The following STK32A variants were observed in gnomAD, a reference collection of about 807,000 sequenced individuals.
STK32A encodes the protein serine/threonine-protein kinase 32A.
A neutral mutation model predicts 53.2 loss-of-function variants in STK32A; 41 were observed. The observed-to-expected ratio is 0.77, with a 90% confidence interval of 0.60 to 1.00. The LOEUF is 1.00. Among genes scored for constraint, STK32A ranks in the 50% least tolerant of loss-of-function variants. The pLI, the probability that STK32A is intolerant of heterozygous loss-of-function variation, is 0.00. For missense variants in STK32A, 458 were observed against 485.8 expected (o/e 0.94, Z 0.54); for synonymous variants, 166 against 162.8 (o/e 1.02, Z -0.15).
intron 7 of STK32A, among the ~76,000 whole-genome samples, chr5:147,359,734 G>T (rs867588753): frequency 3.9e-5 from 6 of 152,146 alleles, no homozygotes; most frequent in Non-Finnish European, 8.8e-5. Flanking sequence ...TTGCACTGGG[G>T]GCTGTGACTT....
At chr5:147,357,731 A>G (rs987288666) in intron 7 of STK32A, among the ~76,000 whole-genome samples, 1 of 151,834 alleles carries the variant, frequency 6.6e-6, no homozygotes, top group African/African-American at 2.4e-5. Context: ...TTATGGTTTC[A>G]TTTTTTTACT....
chr5:147,394,870 C>A, the STK32A span, among the ~76,000 whole-genome samples: 1 of 151,988 alleles, frequency 6.6e-6, no homozygotes, highest in African/African-American at 2.4e-5. Flanking sequence ...GTAATTTTAC[C>A]TTTAAATGTC....
intron 7 of STK32A, among the ~76,000 whole-genome samples, chr5:147,355,570 C>T (rs1581131959): frequency 6.6e-6 from 1 of 151,862 alleles, no homozygotes; most frequent in South Asian, 2.1e-4. Context: ...TCCAGCTACT[C>T]GGGAGGCTGA....
At chr5:147,300,270 T>C (rs1753066388) in intron 4 of STK32A, among the ~76,000 whole-genome samples, 1 of 152,192 alleles carries the variant, frequency 6.6e-6, no homozygotes, top group Non-Finnish European at 1.5e-5. Flanking sequence ...AATATTTTCC[T>C]ATAGTCACAC....
chr5:147,252,319 C>T (rs894560606), intron 2 of STK32A, among the ~76,000 whole-genome samples: 2 of 151,906 alleles, frequency 1.3e-5, no homozygotes, highest in Non-Finnish European at 2.9e-5. Context: ...CATTTTCTGT[C>T]CAGAGTATAA....
At chr5:147,341,767 T>C (rs545182939) in intron 5 of STK32A, among the ~76,000 whole-genome samples, 10 of 152,254 alleles carry the variant, frequency 6.6e-5, no homozygotes, top group South Asian at 2.1e-4. Context: ...ATAACTATAG[T>C]TAGTAACATT....
At chr5:147,258,522 C>A (rs543098342) in intron 2 of STK32A, among the ~76,000 whole-genome samples, 1 of 152,074 alleles carries the variant, frequency 6.6e-6, no homozygotes, top group Non-Finnish European at 1.5e-5. Context: ...TACATAAATT[C>A]CCTTTTAAAA....
At chr5:147,237,567 C>T (rs1753376106) in intron 1 of STK32A, among the ~76,000 whole-genome samples, 1 of 152,136 alleles carries the variant, frequency 6.6e-6, no homozygotes. Context: ...TGAGTTCTAT[C>T]TTCCTGGGTC....
chr5:147,360,952 T>G (rs754262994), intron 7 of STK32A, among the ~76,000 whole-genome samples: 68 of 152,256 alleles, frequency 4.5e-4, no homozygotes, highest in Non-Finnish European at 7.4e-4. Context: ...AGTTACAAAG[T>G]GTAAAGAACC....
intron 4 of STK32A, among the ~76,000 whole-genome samples, chr5:147,295,917 G>C (rs1752845714): frequency 6.6e-6 from 1 of 152,180 alleles, no homozygotes; most frequent in Non-Finnish European, 1.5e-5. Context: ...TATAGGTAAA[G>C]GTCCAGTTAA....
chr5:147,328,234 G>A (rs913067527), intron 5 of STK32A, among the ~76,000 whole-genome samples: 7 of 151,922 alleles, frequency 4.6e-5, no homozygotes, highest in Admixed American at 6.6e-5. Context: ...AACATAGAAG[G>A]GGGTCTTTTT....
rs550164374 is a variant in STK32A, at chr5:147,255,780, G to A, written c.52+16094G>A. Among the ~76,000 whole-genome samples the A allele has an allele frequency of 7.9e-5, 12 of 152,284 alleles. No individual in the cohort carries two copies. In the South Asian group the frequency reaches 1.0e-3, roughly 13 times the overall value. Reference sequence around the variant, plus strand: ...TCTCTAGTGTAGTTAATAAATCACTGTTGGTTGTAGTAGCTGTAGTTTATC... The same window carrying A: ...TCTCTAGTGTAGTTAATAAATCACTATTGGTTGTAGTAGCTGTAGTTTATC... On this transcript the variant is annotated intron_variant, in intron 2 of 12. Coordinates refer to ENST00000397936, the MANE Select transcript of STK32A (RefSeq NM_001112724.2).
intron 11 of STK32A, among the ~76,000 whole-genome samples, chr5:147,377,840 GT>G (rs1407898455): frequency 6.6e-6 from 1 of 151,934 alleles, no homozygotes; most frequent in Admixed American, 6.6e-5. Context: ...GTATCTGCTT[GT>G]TTTTTTGATG....
chr5:147,360,468 GA>G (rs1297469986), intron 7 of STK32A, among the ~76,000 whole-genome samples: 9 of 101,036 alleles, frequency 8.9e-5, no homozygotes, highest in African/African-American at 1.5e-4. Flanking sequence ...AAAAAAAAAA[GA>G]AAAAAAAAAG....
At chr5:147,350,831 T>C (rs1191628957) in intron 6 of STK32A, among the ~76,000 whole-genome samples, 3 of 152,142 alleles carry the variant, frequency 2.0e-5, no homozygotes, top group African/African-American at 7.2e-5. Flanking sequence ...CACAAATTCT[T>C]AACTACTAAG....
intron 4 of STK32A, among the ~76,000 whole-genome samples, chr5:147,319,509 T>TA (rs1754193499): frequency 6.6e-6 from 1 of 152,120 alleles, no homozygotes; most frequent in Non-Finnish European, 1.5e-5. Context: ...GCTGTGTTGT[T>TA]ATGGTGAATG....
intron 4 of STK32A, among the ~76,000 whole-genome samples, chr5:147,285,447 A>C (rs1440634362): frequency 1.3e-5 from 2 of 152,156 alleles, no homozygotes; most frequent in Non-Finnish European, 2.9e-5. Context: ...ACAAAGATAA[A>C]TTGCTGGTAC....
rs17106550 is a variant in STK32A, at chr5:147,361,752, C to A, written c.660+138C>A. On this transcript the variant is annotated intron_variant, in intron 8 of 12. Transcript: ENST00000397936. The stretch of plus-strand genomic sequence containing the variant: ...TATGCCATGTGATGTTGATAACACC[C>A]CTTGAGATTTCTGCATAGGTTAATT... 9,450 of 671,304 alleles carry A rather than the reference C, an allele frequency of 0.014. 685 individuals are homozygous for A. The African/African-American group carries it at 0.15, about 11-fold the overall frequency. The allele number at this position is 671,304 out of a possible 1,614,324, so 41.6% of individuals were successfully genotyped here.
chr5:147,383,374 G>T, intron 11 of STK32A, 67 bp from the exon 12 acceptor site: 1 of 1,310,122 alleles, frequency 7.6e-7, no homozygotes, highest in Non-Finnish European at 1.1e-6. Context: ...CCAGGTTATT[G>T]GCTGTTTGAA....
Sources: gnomAD v4.1 joint callset for allele counts (sites outside exome capture counted in the v4.1 genomes callset) on GRCh38, gnomAD v4.1.1 for gene constraint, MANE v1.5 for transcripts, NCBI Gene and HGNC (gene_info 2026-07-23, HGNC 2026-07-21) for gene names.